Variants in DAPK1 observed in about 807,000 individuals in gnomAD.
DAPK1 encodes death-associated protein kinase 1.
A neutral mutation model predicts 144.9 loss-of-function variants in DAPK1; 56 were observed. The observed-to-expected ratio is 0.39, with a 90% CI of 0.31 to 0.48. DAPK1 has a LOEUF of 0.48. DAPK1 is among the 20% of genes least tolerant of loss of function. The probability of loss-of-function intolerance (pLI) is 0.95; values close to 1 mark genes in which losing one functional copy is unlikely to be tolerated. For missense variants in DAPK1, 1,454 were observed against 1,875.4 expected (o/e 0.78, Z 4.15); for synonymous variants, 690 against 749.0 (o/e 0.92, Z 1.29).
At chr9:87,519,493 C>G (rs1825211577) in intron 2 of DAPK1, among the ~76,000 whole-genome samples, 1 of 152,142 alleles carries the variant, frequency 6.6e-6, no homozygotes, top group Non-Finnish European at 1.5e-5. Flanking sequence ...CTTTTATGAA[C>G]CAAAGCCATA....
At chr9:87,658,192 G>A (rs1830700547) in intron 18 of DAPK1, 65 bp downstream of exon 18, 1 of 685,042 alleles carries the variant, frequency 1.5e-6, no homozygotes, top group East Asian at 2.6e-5. Context: ...TCCAGGGCAG[G>A]AGGGACAGGG....
rs36204767 is a variant in DAPK1 at position 87,580,604 on chromosome 9, T to C, written c.63-24350T>C. Among the ~76,000 whole-genome samples, 710 of 152,348 alleles carry C rather than the reference T, an allele frequency of 4.7e-3. 11 individuals carry two copies. The highest frequency in any genetic ancestry group is 0.016 in the African/African-American group (674 of 41,578). On this transcript the variant is annotated intron_variant, in intron 2 of 25. Coordinates refer to ENST00000408954, the MANE Select transcript of DAPK1 (RefSeq NM_004938.4). ...TTTCTTGCTTCATAGTTGAGTTCTT[T>C]GGATATTGAGCACTTATTGTATACA...
intron 3 of DAPK1, among the ~76,000 whole-genome samples, chr9:87,618,869 A>C (rs1165258574): frequency 6.6e-6 from 1 of 152,196 alleles, no homozygotes; most frequent in Non-Finnish European, 1.5e-5. Context: ...ACTAAAACCC[A>C]GTGAGTGGTA....
At chr9:87,590,763 A>T (rs778236464) in intron 2 of DAPK1, among the ~76,000 whole-genome samples, 6 of 152,020 alleles carry the variant, frequency 3.9e-5, no homozygotes, top group African/African-American at 9.7e-5. Flanking sequence ...ATTTTTAAAA[A>T]TTTTTTATAG....
chr9:87,499,125 C>G lies in DAPK1; in HGVS notation c.48C>G (p.Gly16=), dbSNP rs1824302105. 3 of 1,613,722 alleles carry G rather than the reference C, an allele frequency of 1.9e-6. No homozygotes were observed. Among genetic ancestry groups the G allele is most frequent in the African/African-American group, 2.7e-5 (2 of 74,828 alleles). ...ACGTGGATGATTACTACGACACCGG[C>G]GAGGAACTTGGCAGGTAAAGGGGGT... ...QENVDDYYDT[G]EELGSGQFAV... The change falls in exon 2 of 26, where the codon GGC becomes GGG. Residue 16 remains glycine (G), a synonymous_variant. Transcript: ENST00000408954.
At chr9:87,498,408 C>T (rs1328359526) in intron 1 of DAPK1, 4 of 327,004 alleles carry the variant, frequency 1.2e-5, no homozygotes, top group African/African-American at 8.6e-5. Flanking sequence ...CTCCCCCGGG[C>T]GGCCGCACGC....
chr9:87,692,096 A>G (rs565914189), intron 21 of DAPK1, among the ~76,000 whole-genome samples: 17 of 152,146 alleles, frequency 1.1e-4, no homozygotes, highest in African/African-American at 3.6e-4. Flanking sequence ...TTCCCCAAAT[A>G]TTGTTGTATT....
chr9:87,539,042 A>T (rs1446110852), intron 2 of DAPK1, among the ~76,000 whole-genome samples: 1 of 150,782 alleles, frequency 6.6e-6, no homozygotes, highest in African/African-American at 2.4e-5. Flanking sequence ...CTAATTTAAG[A>T]TTAATTTTAT....
chr9:87,595,859 G>C, intron 2 of DAPK1, among the ~76,000 whole-genome samples: 1 of 152,170 alleles, frequency 6.6e-6, no homozygotes, highest in South Asian at 2.1e-4. Flanking sequence ...GCTTCTCCCT[G>C]TTGGTGCCGT....
intron 3 of DAPK1, chr9:87,632,643 G>A (rs1445134635): frequency 2.0e-6 from 2 of 983,216 alleles, no homozygotes; most frequent in Non-Finnish European, 2.4e-6. Flanking sequence ...TAGGGATGAA[G>A]GAGGATGAGT....
At chr9:87,633,947 G>T (rs1386709183) in intron 3 of DAPK1, among the ~76,000 whole-genome samples, 1 of 152,216 alleles carries the variant, frequency 6.6e-6, no homozygotes, top group Admixed American at 6.5e-5. Flanking sequence ...GGGCAGGAAT[G>T]GGTTTAGTGG....
intron 19 of DAPK1, among the ~76,000 whole-genome samples, chr9:87,675,567 G>A (rs1824336398): frequency 6.6e-6 from 1 of 152,108 alleles, no homozygotes; most frequent in South Asian, 2.1e-4. Context: ...AGCGGGTGAG[G>A]AGTTTGGGTT....
chr9:87,650,098 G>C lies in DAPK1; in HGVS notation c.1606G>C (p.Asp536His). Reference sequence around the variant, plus strand: ...GGAGTGTCTGGCCGAACATGGAGCCGACCTTAATGCTTGCGACAAGGTGCC... The same window carrying C: ...GGAGTGTCTGGCCGAACATGGAGCCCACCTTAATGCTTGCGACAAGGTGCC... ...IVECLAEHGA[D>H]LNACDKDGHI... is the part of the protein sequence containing the mutation. The change falls in exon 16 of 26, where the codon GAC becomes CAC. Residue 536 changes from aspartate (D) to histidine (H), a missense_variant. Transcript: ENST00000408954. The C allele has an allele frequency of 6.2e-7, 1 of 1,614,042 alleles. No individual in the cohort carries two copies. The highest frequency in any genetic ancestry group is 8.5e-7 in the Non-Finnish European group (1 of 1,180,012).
At chr9:87,685,530 C>T (rs1452221692) in intron 20 of DAPK1, among the ~76,000 whole-genome samples, 3 of 152,210 alleles carry the variant, frequency 2.0e-5, no homozygotes, top group African/African-American at 4.8e-5. Flanking sequence ...TTACAGAGCA[C>T]TCTCTGTGGG....
At chr9:87,518,102 G>GTTT (rs1405931107) in intron 2 of DAPK1, among the ~76,000 whole-genome samples, 5 of 38,368 alleles carry the variant, frequency 1.3e-4, no homozygotes, top group Admixed American at 5.1e-4. Context: ...CGTTTATGTT[G>GTTT]TTGTTTTTTT....
chr9:87,620,884 C>G (rs937376618), intron 3 of DAPK1, among the ~76,000 whole-genome samples: 7 of 152,172 alleles, frequency 4.6e-5, no homozygotes, highest in African/African-American at 1.7e-4. Context: ...CCTGGAGGCC[C>G]CTGCTTTTCC....
chr9:87,556,986 C>T (rs942198558), intron 2 of DAPK1, among the ~76,000 whole-genome samples: 5 of 152,092 alleles, frequency 3.3e-5, no homozygotes, highest in African/African-American at 1.2e-4. Flanking sequence ...CGGAGGTGGG[C>T]AGTTGACCTT....
rs1825701300 is a variant in DAPK1 at position 87,707,999 on chromosome 9, G to A, written c.*635G>A. Reference sequence around the variant, plus strand: ...CCTTGCTGTATGCTGATCATCGCCAGAGGTGCTTCACCCTGAGTTTTGTTT... The same window carrying A: ...CCTTGCTGTATGCTGATCATCGCCAAAGGTGCTTCACCCTGAGTTTTGTTT... On this transcript the variant is annotated 3_prime_UTR_variant, in exon 26 of 26. Coordinates refer to ENST00000408954, the MANE Select transcript of DAPK1 (RefSeq NM_004938.4). This position sits in a 1 kb window ranked among gnomAD's most constrained non-coding sequence, Gnocchi z 4.0. 1 of 355,296 alleles carries A rather than the reference G, an allele frequency of 2.8e-6. No individual in the cohort carries two copies. Among genetic ancestry groups the A allele is most frequent in the East Asian group, 8.3e-5 (1 of 12,044 alleles). The allele number at this position is 355,296 out of a possible 1,614,324, so 22.0% of individuals were successfully genotyped here. A position where few individuals can be genotyped will look rare whatever the true frequency, so the allele number is the denominator to read the frequency against.
rs548550383 is a variant in DAPK1 at position 87,503,603 on chromosome 9, C to T, written c.62+4464C>T. ...AGGTTGATGCATGGCACTTAGAAGG[C>T]GCTCAGTAAATGCATGCTGTTAGAC... On this transcript the variant is annotated intron_variant, in intron 2 of 25. Coordinates refer to ENST00000408954, the MANE Select transcript of DAPK1 (RefSeq NM_004938.4). 7.9e-5 allele frequency among the ~76,000 whole-genome samples: 12 copies of T among 152,226 alleles called. No homozygotes were observed. In the South Asian group the frequency reaches 2.3e-3, roughly 29 times the overall value.
Sources: gnomAD v4.1 joint callset for allele counts (sites outside exome capture counted in the v4.1 genomes callset) on GRCh38, gnomAD v4.1.1 for gene constraint, Gnocchi (gnomAD v3.1) non-coding constraint, MANE v1.5 for transcripts, NCBI Gene and HGNC (gene_info 2026-07-23, HGNC 2026-07-21) for gene names.